GARRE1: variants seen among roughly 807,000 people sequenced by gnomAD.
GARRE1 encodes granule associated Rac and RHOG effector protein 1.
In GARRE1, 49 loss-of-function variants were observed where a neutral mutation model predicts 103.2. The observed-to-expected ratio is 0.47, with a 90% CI of 0.38 to 0.60. The LOEUF (loss-of-function observed/expected upper bound fraction) is 0.60. Among genes scored for constraint, GARRE1 ranks in the 20% least tolerant of loss-of-function variants. The pLI is 0.00. For missense variants in GARRE1, 1,199 were observed against 1,370.5 expected, an observed-to-expected ratio of 0.87 and a Z score of 1.98; for synonymous variants, 505 against 532.8, an observed-to-expected ratio of 0.95 and a Z score of 0.72.
Position 34,300,597 on chromosome 19 carries a change from A to T in GARRE1, c.124A>T (p.Ser42Cys), listed in dbSNP as rs2073972982. The change falls in exon 2 of 14, where the codon AGT becomes TGT. Residue 42 changes from serine (S) to cysteine (C), a missense_variant. Physicochemically the swap from Ser to Cys is moderately radical, Grantham distance 112. Transcript: ENST00000299505. ...GATGCCTGAGCTGGGCCGAGCACTG[A>T]GTGCTCCCCTGGCATCCACGGCCAC... ...YPMPELGRALSAPLASTATTA... is the reference protein window; with the variant it reads ...YPMPELGRALCAPLASTATTA... 6.2e-7 allele frequency: 1 copy of T among 1,613,412 alleles called. No homozygotes were observed.
Position 34,352,887 on chromosome 19 carries a change from G to C in GARRE1, c.3145G>C (p.Ala1049Pro), listed in dbSNP as rs756536143. ...CCCACCCCCACCAGCACACAAGGCAGCACCCAAGGGCTTCAAGGCCTTCCC... is the reference window on the plus strand; with the variant it reads ...CCCACCCCCACCAGCACACAAGGCACCACCCAAGGGCTTCAAGGCCTTCCC... ...QPPPPPAHKA[A>P]PKGFKAFPGK... The change falls in exon 14 of 14, where the codon GCA (alanine) becomes CCA (proline). Residue 1049 changes from alanine (A) to proline (P), a missense_variant. Coordinates refer to ENST00000299505, the MANE Select transcript of GARRE1 (RefSeq NM_014686.5). 3 of 1,493,334 alleles carry C rather than the reference G, an allele frequency of 2.0e-6. No individual in the cohort carries two copies. Among genetic ancestry groups the C allele is most frequent in the Non-Finnish European group, 1.8e-6 (2 of 1,096,072 alleles). The allele number at this position is 1,493,334 out of a possible 1,614,324, so 92.5% of individuals were successfully genotyped here. A position where few individuals can be genotyped will look rare whatever the true frequency, so the allele number is the denominator to read the frequency against.
At chr19:34,261,430 A>T (rs2073718056) in intron 1 of GARRE1, among the ~76,000 whole-genome samples, 1 of 151,852 alleles carries the variant, frequency 6.6e-6, no homozygotes, top group Admixed American at 6.6e-5. Context: ...AGATAGCCTA[A>T]ATAATTAATC....
chr19:34,302,269 GGCAGGA>G (rs1006980406), intron 2 of GARRE1, among the ~76,000 whole-genome samples: 1 of 149,592 alleles, frequency 6.7e-6, no homozygotes, highest in Non-Finnish European at 1.5e-5. Flanking sequence ...TGGGATTACA[GGCAGGA>G]GCCACCGCGC....
chr19:34,261,976 TGGTA>T (rs1380049338), intron 1 of GARRE1, among the ~76,000 whole-genome samples: 1 of 152,128 alleles, frequency 6.6e-6, no homozygotes, highest in East Asian at 1.9e-4. Context: ...ACATGTCACC[TGGTA>T]GGTCTCCCTG....
chr19:34,267,495 C>T (rs112220562), intron 1 of GARRE1, among the ~76,000 whole-genome samples: 1,869 of 151,682 alleles, frequency 0.012, 25 homozygotes, highest in African/African-American at 0.041. Context: ...TATGAGCCAC[C>T]GTGCCCAGCC....
At position 34,319,923 on chromosome 19, in the gene GARRE1, T is replaced by C; in HGVS notation, c.512T>C (p.Phe171Ser). 1 of 1,614,254 alleles carries C rather than the reference T, an allele frequency of 6.2e-7. No homozygotes were observed. Among genetic ancestry groups the C allele is most frequent in the Non-Finnish European group, 8.5e-7 (1 of 1,180,038 alleles). The change falls in exon 3 of 14, where the codon TTC (phenylalanine) becomes TCC (serine). Residue 171 changes from phenylalanine (F) to serine (S), a missense_variant. Phe to Ser is a radical substitution (Grantham distance 155, BLOSUM62 -2). Transcript: ENST00000299505. ...TTTTCACAGGTGTTGGGGCGATGTTTCCTGACTGTGGTGCAAGTCCATTTC... is the reference window on the plus strand; with the variant it reads ...TTTTCACAGGTGTTGGGGCGATGTTCCCTGACTGTGGTGCAAGTCCATTTC... Reference protein sequence around the residue: ...LQDIEVLGRCFLTVVQVHFQF... With the variant: ...LQDIEVLGRCSLTVVQVHFQF...
chr19:34,273,077 C>G (rs558368324), intron 1 of GARRE1, among the ~76,000 whole-genome samples: 111 of 152,252 alleles, frequency 7.3e-4, no homozygotes, highest in African/African-American at 2.6e-3. Context: ...TGACGCACAC[C>G]TGTACTCCCA....
At chr19:34,340,919 C>T (rs2074182700) in intron 9 of GARRE1, among the ~76,000 whole-genome samples, 1 of 152,158 alleles carries the variant, frequency 6.6e-6, no homozygotes, top group South Asian at 2.1e-4. Flanking sequence ...TGCCCCATGC[C>T]CTTTCGCTCT....
At chr19:34,265,093 G>A (rs1430046203) in intron 1 of GARRE1, among the ~76,000 whole-genome samples, 1 of 152,100 alleles carries the variant, frequency 6.6e-6, no homozygotes, top group Non-Finnish European at 1.5e-5. Context: ...TGGAATTAGA[G>A]CAAGATATTA....
Position 34,254,605 on chromosome 19 carries a change from C to T in GARRE1, c.-805C>T, listed in dbSNP as rs992127599. The T allele has an allele frequency of 4.1e-5, 6 of 147,606 alleles. No individual in the cohort carries two copies. In the South Asian group the frequency reaches 5.7e-4, roughly 14 times the overall value. 9.1% of individuals were successfully genotyped at this position (147,606 alleles called of 1,614,324 possible). A position where few individuals can be genotyped will look rare whatever the true frequency, so the allele number is the denominator to read the frequency against. On this transcript the variant is annotated 5_prime_UTR_variant, in exon 1 of 14. Transcript: ENST00000299505. ...CAAGGCGGTGCGCTGGGGGCCGGGG[C>T]GCGTCGCAGGTGAGGAGCGGGCGCG... is the stretch of plus-strand genomic sequence containing the variant.
intron 1 of GARRE1, among the ~76,000 whole-genome samples, chr19:34,278,392 C>G (rs760488319): frequency 1.7e-4 from 25 of 146,988 alleles, no homozygotes; most frequent in Non-Finnish European, 2.7e-4. Context: ...TACAGTAAAC[C>G]GAAATTGTGC....
At chr19:34,272,416 C>T (rs1322270174) in intron 1 of GARRE1, among the ~76,000 whole-genome samples, 2 of 152,078 alleles carry the variant, frequency 1.3e-5, no homozygotes, top group African/African-American at 4.8e-5. Flanking sequence ...TCAGGCTGGT[C>T]TCAAACTCCT....
intron 2 of GARRE1, among the ~76,000 whole-genome samples, chr19:34,319,417 T>C (rs2074074926): frequency 6.6e-6 from 1 of 152,246 alleles, no homozygotes; most frequent in Admixed American, 6.5e-5. Flanking sequence ...AATAACTATG[T>C]TAACACTCCT....
At chr19:34,283,495 A>G (rs2073867186) in intron 1 of GARRE1, among the ~76,000 whole-genome samples, 1 of 152,178 alleles carries the variant, frequency 6.6e-6, no homozygotes, top group Admixed American at 6.6e-5. Flanking sequence ...TTAGTGCTTA[A>G]TATGTGCCAG....
chr19:34,292,120 C>T (rs2073921254), intron 1 of GARRE1, among the ~76,000 whole-genome samples: 1 of 152,156 alleles, frequency 6.6e-6, no homozygotes, highest in African/African-American at 2.4e-5. Context: ...CCTTGGCCTC[C>T]CAAAGTGTTG....
At chr19:34,332,162 C>T (rs1487006618) in intron 7 of GARRE1, among the ~76,000 whole-genome samples, 3 of 152,078 alleles carry the variant, frequency 2.0e-5, no homozygotes, top group Non-Finnish European at 2.9e-5. Context: ...TCAGGTGGCC[C>T]AGCTCACAGT....
intron 1 of GARRE1, among the ~76,000 whole-genome samples, chr19:34,266,507 G>A (rs1165055831): frequency 2.0e-5 from 3 of 152,088 alleles, no homozygotes; most frequent in African/African-American, 7.2e-5. Flanking sequence ...GACTGTAGGC[G>A]CATGCCACCA....
Position 34,300,916 on chromosome 19 carries a change from C to G in GARRE1, c.443C>G (p.Ala148Gly), listed in dbSNP as rs759859175. 40 of 1,606,856 alleles carry G rather than the reference C, an allele frequency of 2.5e-5. 1 individual carries two copies. In the Admixed American group the frequency reaches 6.7e-4, roughly 27 times the overall value. The change falls in exon 2 of 14, where the codon GCT becomes GGT. Residue 148 changes from alanine to glycine, a missense_variant. Ala to Gly is a moderately conservative substitution (Grantham distance 60). Transcript: ENST00000299505. The stretch of plus-strand genomic sequence containing the variant: ...GCCAAGATGCTAATGGAACTTAGTG[C>G]TGGGGCTGCAAATTTTACGGATCAG... ...EIAKMLMELS[A>G]GAANFTDQKE...
At chr19:34,255,039 G>A (rs1443208421) in intron 1 of GARRE1, among the ~76,000 whole-genome samples, 1 of 151,920 alleles carries the variant, frequency 6.6e-6, no homozygotes, top group African/African-American at 2.4e-5. Flanking sequence ...TGGCGGCAGG[G>A]GTCCGCTGGG....
Sources: gnomAD v4.1 joint callset for allele counts (sites outside exome capture counted in the v4.1 genomes callset) on GRCh38, gnomAD v4.1.1 for gene constraint, MANE v1.5 for transcripts, NCBI Gene and HGNC (gene_info 2026-07-23, HGNC 2026-07-21) for gene names.